Variants in DTNA observed in about 807,000 individuals in gnomAD.
DTNA encodes the protein dystrobrevin alpha, also known as dystrophin-related protein 3.
A neutral mutation model predicts 100.7 loss-of-function variants in DTNA; 43 were observed. The ratio of observed to expected loss-of-function variants is 0.43; its 90% CI spans 0.33 to 0.55. The LOEUF (loss-of-function observed/expected upper bound fraction) is 0.55. Among genes scored for constraint, DTNA ranks in the 20% least tolerant of loss-of-function variants. DTNA has a pLI of 0.04. For missense variants in DTNA, 798 were observed against 953.9 expected (o/e 0.84, Z 2.15); for synonymous variants, 349 against 347.9 (o/e 1.00, Z -0.04).
chr18:34,804,055 A>G (rs2095296561), intron 4 of DTNA, among the ~76,000 whole-genome samples: 1 of 152,204 alleles, frequency 6.6e-6, no homozygotes. Context: ...ATTCATTGTG[A>G]CAGATGCCAC....
chr18:34,571,262 C>T (rs1326890507), intron 1 of DTNA, among the ~76,000 whole-genome samples: 1 of 152,134 alleles, frequency 6.6e-6, no homozygotes, highest in Non-Finnish European at 1.5e-5. Context: ...AGGCACAGTC[C>T]TCCATATTTA....
At chr18:34,839,121 A>G (rs2096215635) in intron 13 of DTNA, among the ~76,000 whole-genome samples, 1 of 152,198 alleles carries the variant, frequency 6.6e-6, no homozygotes, top group Non-Finnish European at 1.5e-5. Context: ...TCCGGGTCCC[A>G]CCAATCAGTT....
intron 1 of DTNA, among the ~76,000 whole-genome samples, chr18:34,623,223 G>A (rs1452856749): frequency 1.3e-5 from 2 of 152,042 alleles, no homozygotes; most frequent in South Asian, 4.2e-4. Flanking sequence ...CCTAAAAAAG[G>A]AACAAAAATC....
At chr18:34,495,361 A>G (rs1422455731) in intron 1 of DTNA, among the ~76,000 whole-genome samples, 1 of 152,252 alleles carries the variant, frequency 6.6e-6, no homozygotes, top group Non-Finnish European at 1.5e-5. Flanking sequence ...TACAATGATT[A>G]AAGTTGCATT....
chr18:34,629,077 T>A (rs1418705685), intron 1 of DTNA, among the ~76,000 whole-genome samples: 1 of 150,664 alleles, frequency 6.6e-6, no homozygotes, highest in Non-Finnish European at 1.5e-5. Flanking sequence ...TGGCATATCA[T>A]ATAAATATTT....
At chr18:34,646,393 C>T (rs2059840209) in intron 1 of DTNA, among the ~76,000 whole-genome samples, 1 of 152,114 alleles carries the variant, frequency 6.6e-6, no homozygotes, top group Non-Finnish European at 1.5e-5. Context: ...TTATATTTTA[C>T]ATTTTATTGT....
intron 16 of DTNA, 67 bp downstream of exon 16, chr18:34,858,465 G>A (rs2096578452): frequency 4.5e-6 from 7 of 1,540,446 alleles, no homozygotes; most frequent in South Asian, 1.1e-5. Flanking sequence ...AAGTCTAGCA[G>A]TGTCTAGCCA....
At chr18:34,819,124 C>T (rs1292745800) in intron 8 of DTNA, among the ~76,000 whole-genome samples, 2 of 152,206 alleles carry the variant, frequency 1.3e-5, no homozygotes, top group Non-Finnish European at 2.9e-5. Flanking sequence ...GATATACCAT[C>T]AGCCCTTCCA....
intron 4 of DTNA, among the ~76,000 whole-genome samples, chr18:34,801,438 C>T (rs537977096): frequency 3.9e-5 from 6 of 151,988 alleles, no homozygotes; most frequent in South Asian, 2.1e-4. Context: ...ATGTATTATG[C>T]GCTGTTTTCT....
At chr18:34,620,418 A>C (rs1254322221) in intron 1 of DTNA, among the ~76,000 whole-genome samples, 5 of 152,238 alleles carry the variant, frequency 3.3e-5, no homozygotes, top group Admixed American at 1.3e-4. Flanking sequence ...ATTAAGTTAC[A>C]GAGAATGAAG....
chr18:34,650,349 T>C (rs1404302037), intron 1 of DTNA, among the ~76,000 whole-genome samples: 1 of 152,138 alleles, frequency 6.6e-6, no homozygotes, highest in Non-Finnish European at 1.5e-5. Flanking sequence ...AAGTTCCAGA[T>C]ACATGAATCA....
intron 4 of DTNA, among the ~76,000 whole-genome samples, chr18:34,803,331 A>G (rs9953595): frequency 0.025 from 3,829 of 150,768 alleles, 169 homozygotes; most frequent in African/African-American, 0.088. Flanking sequence ...TGATATAACC[A>G]CTGTTGGATC....
chr18:34,845,113 T>G (rs1313060231), intron 13 of DTNA, among the ~76,000 whole-genome samples: 1 of 152,224 alleles, frequency 6.6e-6, no homozygotes, highest in Non-Finnish European at 1.5e-5. Flanking sequence ...TTAGGGATTG[T>G]TGATCATTCA....
rs1432203183 is a variant in DTNA at position 34,891,757 on chromosome 18, GAAT to G, written c.*4024_*4026del. On this transcript the variant is annotated 3_prime_UTR_variant, in exon 23 of 23. Transcript: ENST00000444659. ...TTTATGTGACTTCACTCAATTCTTT[GAAT>G]CCTCTGCATCTAGCCATGTATTCTG... 2 of 152,184 alleles carry G rather than the reference GAAT, an allele frequency of 1.3e-5. No homozygotes were observed. The highest frequency in any genetic ancestry group is 4.8e-5 in the African/African-American group (2 of 41,440). 9.4% of individuals were successfully genotyped at this position (152,184 alleles called of 1,614,324 possible).
intron 11 of DTNA, among the ~76,000 whole-genome samples, chr18:34,837,752 C>T (rs2096183230): frequency 6.6e-6 from 1 of 152,126 alleles, no homozygotes; most frequent in African/African-American, 2.4e-5. Context: ...TAAAGGCTGG[C>T]AGGACTTAGT....
intron 1 of DTNA, among the ~76,000 whole-genome samples, chr18:34,604,219 C>G (rs544452559): frequency 7.2e-5 from 11 of 152,202 alleles, no homozygotes; most frequent in Admixed American, 3.3e-4. Context: ...AGAAGATAAT[C>G]CTGCTTTTCA....
chr18:34,537,444 T>C (rs1323177336), intron 1 of DTNA, among the ~76,000 whole-genome samples: 1 of 151,866 alleles, frequency 6.6e-6, no homozygotes, highest in Non-Finnish European at 1.5e-5. Context: ...TTAAGGAAAT[T>C]GTATTGTATT....
intron 1 of DTNA, among the ~76,000 whole-genome samples, chr18:34,686,949 C>A (rs1419367494): frequency 6.6e-6 from 1 of 152,122 alleles, no homozygotes; most frequent in Admixed American, 6.5e-5. Flanking sequence ...TTATAGTATT[C>A]TCTGATTGTA....
intron 1 of DTNA, among the ~76,000 whole-genome samples, chr18:34,579,880 T>A (rs1351634026): frequency 6.6e-6 from 1 of 152,182 alleles, no homozygotes; most frequent in African/African-American, 2.4e-5. Flanking sequence ...ATTGTTCACC[T>A]ATCATCTTTT....
Sources: allele counts gnomAD v4.1 joint callset (sites outside exome capture counted in the v4.1 genomes callset), GRCh38; gene constraint gnomAD v4.1.1; transcripts MANE v1.5; gene names NCBI Gene and HGNC (gene_info 2026-07-23, HGNC 2026-07-21).